MS4A14: variants seen among roughly 807,000 people sequenced by gnomAD.
MS4A14 encodes membrane-spanning 4-domains subfamily A member 14.
Under a neutral mutation model 16.7 loss-of-function variants are expected in MS4A14, and 18 were observed. The observed-to-expected ratio is 1.08, with a 90% CI of 0.75 to 1.60. The LOEUF is 1.60. MS4A14 is among the 40% of genes most tolerant of loss of function. MS4A14 has a pLI of 0.00. For missense variants in MS4A14, 812 were observed against 775.3 expected (o/e 1.05, Z -0.56); for synonymous variants, 305 against 289.4 (o/e 1.05, Z -0.55).
At chr11:60,406,219 A>G (rs1043467918) in intron 4 of MS4A14, among the ~76,000 whole-genome samples, 1 of 152,200 alleles carries the variant, frequency 6.6e-6, no homozygotes, top group African/African-American at 2.4e-5. Flanking sequence ...ATACTCAGTC[A>G]TCTCTGTTAA....
chr11:60,413,997 ACCTCAATTC>A (rs2085902834), intron 4 of MS4A14, among the ~76,000 whole-genome samples: 7 of 152,104 alleles, frequency 4.6e-5, no homozygotes, highest in Admixed American at 4.6e-4. Flanking sequence ...ACATCTCTGA[ACCTCAATTC>A]CCTCAATTCT....
intron 2 of MS4A14, chr11:60,398,301 T>C (rs187766397): frequency 2.0e-5 from 4 of 195,260 alleles, no homozygotes; most frequent in Non-Finnish European, 4.2e-5. Flanking sequence ...AGCTCAAAAG[T>C]AGAGAATAAC....
At chr11:60,406,039 T>C (rs2085781625) in intron 4 of MS4A14, 1 of 1,132,530 alleles carries the variant, frequency 8.8e-7, no homozygotes. Context: ...CCTGTTCCTG[T>C]TGGGATACTG....
At chr11:60,415,146 A>G (rs1373157902) in intron 4 of MS4A14, among the ~76,000 whole-genome samples, 2 of 152,126 alleles carry the variant, frequency 1.3e-5, no homozygotes, top group Non-Finnish European at 2.9e-5. Context: ...TATTGACTAG[A>G]TGATATAAAA....
chr11:60,398,108 C>T (rs1367863789), intron 2 of MS4A14, 128 bp downstream of exon 2: 12 of 907,552 alleles, frequency 1.3e-5, no homozygotes, highest in Admixed American at 5.9e-5. Context: ...GCTCCCTTCA[C>T]GGCAAAAGAA....
chr11:60,410,929 T>G (rs2085860102), intron 4 of MS4A14, among the ~76,000 whole-genome samples: 1 of 152,180 alleles, frequency 6.6e-6, no homozygotes, highest in African/African-American at 2.4e-5. Flanking sequence ...CACTGCAAAC[T>G]CTGCCTCCCG....
At chr11:60,409,440 T>C (rs993526063) in intron 4 of MS4A14, among the ~76,000 whole-genome samples, 3 of 152,036 alleles carry the variant, frequency 2.0e-5, no homozygotes, top group Admixed American at 6.6e-5. Context: ...CAGCCTGGCT[T>C]ATTTCACTTA....
At position 60,417,085 on chromosome 11, in the gene MS4A14, A is replaced by G; in HGVS notation, c.*77A>G. ...TGAAGCACTGGCAAACACAGGATCTATTAGAGAAAGAAGCCCTAAAGCAGA... is the reference window on the plus strand; with the variant it reads ...TGAAGCACTGGCAAACACAGGATCTGTTAGAGAAAGAAGCCCTAAAGCAGA... On this transcript the variant is annotated 3_prime_UTR_variant, in exon 5 of 5. Coordinates refer to ENST00000300187, the MANE Select transcript of MS4A14 (RefSeq NM_032597.5). 4 of 1,512,184 alleles carry G rather than the reference A, an allele frequency of 2.6e-6. No individual in the cohort carries two copies. The highest frequency in any genetic ancestry group is 2.8e-5 in the African/African-American group (2 of 71,822). 93.7% of individuals were successfully genotyped at this position (1,512,184 alleles called of 1,614,324 possible).
Position 60,396,596 on chromosome 11 carries a change from G to A in MS4A14, c.18G>A (p.Gln6=), listed in dbSNP as rs765668736. The A allele has an allele frequency of 3.7e-6, 6 of 1,613,844 alleles. No individual in the cohort carries two copies. In the Admixed American group the frequency reaches 1.0e-4, roughly 27 times the overall value. Residue 6 remains glutamine (Q), a synonymous_variant, in exon 1 of 5, where the codon CAG becomes CAA. Transcript: ENST00000300187. ...ATAGAATCATGGAGTCAACATCCCA[G>A]GACAGAAGGGCAACTCACGTCATCA... MESTS[Q]DRRATHVITI...
At chr11:60,413,039 T>G (rs2085890069) in intron 4 of MS4A14, among the ~76,000 whole-genome samples, 1 of 151,986 alleles carries the variant, frequency 6.6e-6, no homozygotes, top group Admixed American at 6.6e-5. Context: ...TTTTATTATT[T>G]ACAATGTATA....
chr11:60,411,126 A>G (rs889223284), intron 4 of MS4A14, among the ~76,000 whole-genome samples: 1 of 152,170 alleles, frequency 6.6e-6, no homozygotes, highest in African/African-American at 2.4e-5. Context: ...GATTACAGGC[A>G]TGAGCCACTG....
At chr11:60,404,402 G>A in intron 4 of MS4A14, 1 of 397,746 alleles carries the variant, frequency 2.5e-6, no homozygotes, top group South Asian at 1.9e-5. Context: ...TCTATACTGT[G>A]GCTAGAGTAA....
Position 60,415,659 on chromosome 11 carries a change from G to C in MS4A14, c.691G>C (p.Asp231His), listed in dbSNP as rs150268605. Residue 231 changes from aspartate (D) to histidine (H), a missense_variant, in exon 5 of 5, where the codon GAT becomes CAT. Asp to His is a moderately conservative substitution (Grantham distance 81). Transcript: ENST00000300187. ...TAATAAAGGTAGAGAATTTGTGCCAGATGAACAAAAGCAAAGTATCCTTCC... is the reference window on the plus strand; with the variant it reads ...TAATAAAGGTAGAGAATTTGTGCCACATGAACAAAAGCAAAGTATCCTTCC... ...PGNKGREFVP[D>H]EQKQSILPSP... The C allele has an allele frequency of 7.1e-5, 114 of 1,613,886 alleles. No homozygotes were observed. Among genetic ancestry groups the C allele is most frequent in the Non-Finnish European group, 8.8e-5 (104 of 1,179,884 alleles).
chr11:60,416,531 A>G lies in MS4A14; in HGVS notation c.1563A>G (p.Gln521=), dbSNP rs748571181. Reference sequence around the variant, plus strand: ...CAAAGAGGCATTCCTTAGATCAGCAAAGCAAAGGCTGGCAATCTCCAAAGC... The same window carrying G: ...CAAAGAGGCATTCCTTAGATCAGCAGAGCAAAGGCTGGCAATCTCCAAAGC... The part of the protein sequence containing the change: ...KSSKRHSLDQ[Q]SKGWQSPKQK... The change falls in exon 5 of 5, where the codon CAA becomes CAG. Residue 521 remains glutamine, a synonymous_variant. Coordinates refer to ENST00000300187, the MANE Select transcript of MS4A14 (RefSeq NM_032597.5). The G allele has an allele frequency of 1.2e-5, 20 of 1,613,802 alleles. No individual in the cohort carries two copies. Among genetic ancestry groups the G allele is most frequent in the Non-Finnish European group, 1.5e-5 (18 of 1,179,946 alleles).
intron 3 of MS4A14, among the ~76,000 whole-genome samples, chr11:60,401,614 A>T (rs558010917): frequency 6.6e-6 from 1 of 152,290 alleles, no homozygotes; most frequent in South Asian, 2.1e-4. Context: ...CCTTAATTCC[A>T]TTTATCTGTA....
At position 60,400,456 on chromosome 11, in the gene MS4A14, T is replaced by C. The variant is rs1444188244; in HGVS notation, c.318+2T>C. ...ACCGATAAGAAATCAAAACTTCTGG[T>C]AAGCCACTTAAACTACATAAAATTT... On this transcript the variant is annotated splice_donor_variant, in intron 3 of 4. Transcript: ENST00000300187. LOFTEE classifies it high-confidence loss of function. 6.3e-7 allele frequency: 1 copy of C among 1,596,210 alleles called. No individual in the cohort carries two copies. Among genetic ancestry groups the C allele is most frequent in the South Asian group, 1.1e-5 (1 of 90,000 alleles).
At chr11:60,412,717 T>C (rs1349336425) in intron 4 of MS4A14, among the ~76,000 whole-genome samples, 2 of 152,020 alleles carry the variant, frequency 1.3e-5, no homozygotes, top group African/African-American at 4.8e-5. Context: ...TTTTCAATTC[T>C]CTATGGAGAT....
At position 60,417,006 on chromosome 11, in the gene MS4A14, T is replaced by A. The variant is rs1018659048; in HGVS notation, c.2038T>A (p.Ter680LysextTer18). ...TTTGGCCAAGAATCCCCTGACTGGA[T>A]AACTCAGGGCTGGAGAAACAAAGAT... The part of the protein sequence containing the change: ...NLLAKNPLTG[*>K] Residue 680 changes from the stop codon to lysine (K), a stop_lost, in exon 5 of 5, where the codon TAA becomes AAA. Coordinates refer to ENST00000300187, the MANE Select transcript of MS4A14 (RefSeq NM_032597.5). The A allele has an allele frequency of 6.2e-7, 1 of 1,610,146 alleles. No homozygotes were observed. Among genetic ancestry groups the A allele is most frequent in the Non-Finnish European group, 8.5e-7 (1 of 1,177,992 alleles).
At position 60,415,378 on chromosome 11, in the gene MS4A14, C is replaced by CA. The variant is rs958353695; in HGVS notation, c.469-49dup. ...CAGAAATGAAAAGTAACTTGGAAAA[C>CA]AAAAAAAAAATCAGACATGATTCTG... is the stretch of plus-strand genomic sequence containing the variant. On this transcript the variant is annotated intron_variant, in intron 4 of 4. Coordinates refer to ENST00000300187, the MANE Select transcript of MS4A14 (RefSeq NM_032597.5). 5,750 of 1,246,358 alleles carry CA rather than the reference C, an allele frequency of 4.6e-3. 5 individuals carry two copies. Among genetic ancestry groups the CA allele is most frequent in the African/African-American group, 9.4e-3 (608 of 64,884 alleles). The allele number at this position is 1,246,358 out of a possible 1,614,324, so 77.2% of individuals were successfully genotyped here.
Sources: gnomAD v4.1 joint callset for allele counts (sites outside exome capture counted in the v4.1 genomes callset) on GRCh38, gnomAD v4.1.1 for gene constraint, MANE v1.5 for transcripts, NCBI Gene and HGNC (gene_info 2026-07-23, HGNC 2026-07-21) for gene names.